The following SPTSSB variants were observed in gnomAD, a reference collection of about 807,000 sequenced individuals.
The protein encoded by SPTSSB is serine palmitoyltransferase small subunit B, also known as androgen down regulated in mouse prostate.
SPTSSB carries 6 observed loss-of-function variants against 7.7 expected under a neutral mutation model. The ratio of observed to expected loss-of-function variants is 0.78; its 90% confidence interval spans 0.43 to 1.54. The LOEUF (loss-of-function observed/expected upper bound fraction) is 1.54, where lower values mean the gene tolerates loss of function less well. SPTSSB is among the 40% of genes most tolerant of loss of function. The pLI is 0.01. For synonymous variants in SPTSSB, 28 were observed against 29.7 expected (o/e 0.94, Z 0.19); for missense variants, 91 against 93.0 (o/e 0.98, Z 0.09).
chr3:161,365,026 A>C (rs1465729379), intron 1 of SPTSSB, among the ~76,000 whole-genome samples: 3 of 152,228 alleles, frequency 2.0e-5, no homozygotes, highest in Non-Finnish European at 4.4e-5. Flanking sequence ...CTTTGATCTT[A>C]TAATGGAGCT....
chr3:161,358,798 G>A (rs755121408), intron 2 of SPTSSB, among the ~76,000 whole-genome samples: 1 of 152,212 alleles, frequency 6.6e-6, no homozygotes, highest in African/African-American at 2.4e-5. Context: ...ATACCTTACA[G>A]TGTTCTGCAA....
chr3:161,369,242 ATC>A (rs967514117), intron 1 of SPTSSB, among the ~76,000 whole-genome samples: 7 of 148,766 alleles, frequency 4.7e-5, no homozygotes, highest in African/African-American at 1.0e-4. Context: ...ACTTGCTATT[ATC>A]TCTTTCTTTC....
intron 2 of SPTSSB, among the ~76,000 whole-genome samples, chr3:161,357,131 G>T (rs1714804318): frequency 6.6e-6 from 1 of 152,234 alleles, no homozygotes; most frequent in Admixed American, 6.5e-5. Flanking sequence ...TGGTTATACT[G>T]CTGTATTCCA....
At chr3:161,356,330 A>G (rs375668289) in intron 2 of SPTSSB, among the ~76,000 whole-genome samples, 1 of 152,218 alleles carries the variant, frequency 6.6e-6, no homozygotes, top group South Asian at 2.1e-4. Flanking sequence ...CCTGACCATG[A>G]AAAGTTAAGC....
chr3:161,359,183 T>C (rs1265745952), intron 2 of SPTSSB: 1 of 152,220 alleles, frequency 6.6e-6, no homozygotes, highest in Admixed American at 6.5e-5. Flanking sequence ...TAATGTTCTG[T>C]TATAAACATT....
chr3:161,358,165 A>G (rs1714859723), intron 2 of SPTSSB, among the ~76,000 whole-genome samples: 1 of 150,916 alleles, frequency 6.6e-6, no homozygotes, highest in Admixed American at 6.6e-5. Context: ...ATAGGCGTGC[A>G]CCACTGCCCC....
In SPTSSB at chr3:161,344,889, A is replaced by G. The variant is rs1714137306; in HGVS notation, c.*1204T>C. ...CAAAACATGTGTTTGTTTTTTTAAC[A>G]AACATGCAAGTTAATTTGGCATGCC... is the stretch of plus-strand genomic sequence containing the variant. On this transcript the variant is annotated 3_prime_UTR_variant, in exon 3 of 3. Transcript: ENST00000620149. The G allele has an allele frequency of 6.5e-6, 1 of 152,748 alleles. No individual in the cohort carries two copies. Among genetic ancestry groups the G allele is most frequent in the East Asian group, 1.9e-4 (1 of 5,184 alleles). The allele number at this position is 152,748 out of a possible 1,614,324, so 9.5% of individuals were successfully genotyped here.
In SPTSSB at chr3:161,346,168, A is replaced by G. The variant is rs764519346; in HGVS notation, c.156T>C (p.Phe52=). ...IAMVVYTAYV[F]IPIHIRLAWE... is the part of the protein sequence containing the mutation. ...AAGCCAGGCGAATGTGGATTGGAAT[A>G]AAGACATAGGCAGTGTATACCACCA... The change falls in exon 3 of 3, where the codon TTT becomes TTC. Residue 52 remains phenylalanine, a synonymous_variant. Coordinates refer to ENST00000620149, the MANE Select transcript of SPTSSB (RefSeq NM_001040100.2). 8.1e-6 allele frequency: 13 copies of G among 1,612,882 alleles called. No individual in the cohort carries two copies. Among genetic ancestry groups the G allele is most frequent in the Admixed American group, 3.3e-5 (2 of 60,000 alleles).
At chr3:161,356,169 TTA>T (rs745529736) in intron 2 of SPTSSB, among the ~76,000 whole-genome samples, 2 of 152,182 alleles carry the variant, frequency 1.3e-5, no homozygotes, top group Non-Finnish European at 2.9e-5. Context: ...GCTGACATAT[TTA>T]GGTTTATTCC....
intron 1 of SPTSSB, among the ~76,000 whole-genome samples, chr3:161,367,689 A>T (rs545381848): frequency 1.3e-5 from 2 of 152,314 alleles, no homozygotes; most frequent in Admixed American, 6.5e-5. Flanking sequence ...TCTGACAATG[A>T]CATGTTAGTA....
At chr3:161,368,822 G>A (rs336579) in intron 1 of SPTSSB, among the ~76,000 whole-genome samples, 93,703 of 152,120 alleles carry the variant, frequency 0.62, 30,240 homozygotes, top group East Asian at 0.97. Context: ...AAATCATATA[G>A]TATGTGGTCT....
At chr3:161,351,591 C>A (rs960607366) in intron 2 of SPTSSB, among the ~76,000 whole-genome samples, 12 of 151,820 alleles carry the variant, frequency 7.9e-5, no homozygotes, top group African/African-American at 2.7e-4. Flanking sequence ...CTCACACATA[C>A]ACACACAGAG....
At chr3:161,369,370 G>T (rs78401805) in intron 1 of SPTSSB, among the ~76,000 whole-genome samples, 141 of 22,556 alleles carry the variant, frequency 6.3e-3, no homozygotes, top group Middle Eastern at 0.038. Context: ...TTCTCTCTCT[G>T]TCTCTCTTTC....
At chr3:161,369,314 C>CTTTCTTTCTTTCTCTTTCTT (rs1278233391) in intron 1 of SPTSSB, among the ~76,000 whole-genome samples, 25 of 65,720 alleles carry the variant, frequency 3.8e-4, no homozygotes, top group African/African-American at 1.8e-3. Flanking sequence ...TTCTTTCTTT[C>CTTTCTTTCTTTCTCTTTCTT]TCTTTCTTTC....
intron 2 of SPTSSB, among the ~76,000 whole-genome samples, chr3:161,347,761 C>T (rs558162143): frequency 1.3e-5 from 2 of 151,842 alleles, no homozygotes; most frequent in South Asian, 2.1e-4. Context: ...TAATCCCAGC[C>T]GCTGGGGAGG....
chr3:161,358,105 C>G (rs1276035222), intron 2 of SPTSSB, among the ~76,000 whole-genome samples: 2 of 146,474 alleles, frequency 1.4e-5, no homozygotes, highest in Admixed American at 1.4e-4. Context: ...GTCTGGAACT[C>G]CTGGAGTCAA....
intron 2 of SPTSSB, among the ~76,000 whole-genome samples, chr3:161,356,619 A>G (rs973835840): frequency 6.6e-6 from 1 of 152,214 alleles, no homozygotes; most frequent in Non-Finnish European, 1.5e-5. Context: ...TTTTTAAAAA[A>G]ACATATTTAT....
chr3:161,371,148 G>C, intron 1 of SPTSSB, among the ~76,000 whole-genome samples: 1 of 152,142 alleles, frequency 6.6e-6, no homozygotes, highest in Non-Finnish European at 1.5e-5. Flanking sequence ...GTCGTTAATG[G>C]ACTACACGAA....
chr3:161,352,750 T>C (rs927470046), intron 2 of SPTSSB, among the ~76,000 whole-genome samples: 1 of 152,194 alleles, frequency 6.6e-6, no homozygotes. Context: ...ACAGATTGTT[T>C]TGTGAAAATT....
Sources: gnomAD v4.1 joint callset for allele counts (sites outside exome capture counted in the v4.1 genomes callset) on GRCh38, gnomAD v4.1.1 for gene constraint, MANE v1.5 for transcripts, NCBI Gene and HGNC (gene_info 2026-07-23, HGNC 2026-07-21) for gene names.